CSKMT: variants seen among roughly 807,000 people sequenced by gnomAD.
CSKMT encodes the protein citrate synthase-lysine N-methyltransferase CSKMT, mitochondrial.
A neutral mutation model predicts 4.6 loss-of-function variants in CSKMT; 6 were observed. The observed-to-expected ratio is 1.31, with a 90% CI of 0.72 to 2.59. The LOEUF (loss-of-function observed/expected upper bound fraction) is 2.59. Ranked by LOEUF, CSKMT falls within the 30% of genes most tolerant of loss-of-function variation. The pLI is 0.00. For missense variants in CSKMT, 328 were observed against 298.0 expected (o/e 1.10, Z -0.74); for synonymous variants, 142 against 128.9 (o/e 1.10, Z -0.69).
rs1335182775 is a variant in CSKMT, at chr11:62,667,711, A to G, written c.*660A>G. The G allele has an allele frequency of 6.2e-7, 1 of 1,613,914 alleles. No individual in the cohort carries two copies. The highest frequency in any genetic ancestry group is 1.1e-5 in the South Asian group (1 of 91,088). ...GCTGAGTCCAGCGTTAAATGTTCTT[A>G]AAGGACTTCTAGGGTCCTGTGGGCT... On this transcript the variant is annotated 3_prime_UTR_variant, in exon 3 of 3. Coordinates refer to ENST00000532971, the MANE Select transcript of CSKMT (RefSeq NM_001043229.2).
At chr11:62,666,161 A>G in intron 2 of CSKMT, 2 of 704,242 alleles carry the variant, frequency 2.8e-6, no homozygotes, top group Non-Finnish European at 4.7e-6. Flanking sequence ...AACCTAGGGC[A>G]ACATAGCGAG....
Position 62,667,866 on chromosome 11 carries a change from A to G in CSKMT, c.*815A>G. ...AGCACTTTGGGAGGCCAAGGTGGGC[A>G]GATTGCTTGAGCCCTGGCAATAAAG... On this transcript the variant is annotated 3_prime_UTR_variant, in exon 3 of 3. Transcript: ENST00000532971. The G allele has an allele frequency of 2.9e-6, 2 of 694,820 alleles. No homozygotes were observed. The highest frequency in any genetic ancestry group is 5.0e-6 in the Non-Finnish European group (2 of 402,556). The allele number at this position is 694,820 out of a possible 1,614,324, so 43.0% of individuals were successfully genotyped here. A position where few individuals can be genotyped will look rare whatever the true frequency, so the allele number is the denominator to read the frequency against.
rs76078023 is a variant in CSKMT, at chr11:62,666,755, G to A, written c.427G>A (p.Ala143Thr). 1.4e-3 allele frequency: 2,315 copies of A among 1,614,164 alleles called. 24 individuals are homozygous for A. The African/African-American group carries it at 0.027, about 19-fold the overall frequency. ...HPASSLHFMHADAQNLGAVAS... is the reference protein window; with the variant it reads ...HPASSLHFMHTDAQNLGAVAS... ...TGCCTCAAGCCTCCACTTCATGCAC[G>A]CCGATGCTCAGAACCTGGGGGCTGT... The change falls in exon 3 of 3, where the codon GCC becomes ACC. Residue 143 changes from alanine (A) to threonine (T), a missense_variant. Coordinates refer to ENST00000532971, the MANE Select transcript of CSKMT (RefSeq NM_001043229.2).
At chr11:62,666,151 A>G (rs1944803535) in intron 2 of CSKMT, 5 of 711,428 alleles carry the variant, frequency 7.0e-6, no homozygotes, top group Non-Finnish European at 2.3e-6. Context: ...GTTCGAGACC[A>G]ACCTAGGGCA....
chr11:62,665,859 C>T lies in CSKMT; in HGVS notation c.-21C>T, dbSNP rs774246334. 6.2e-7 allele frequency: 1 copy of T among 1,610,776 alleles called. No homozygotes were observed. Among genetic ancestry groups the T allele is most frequent in the Admixed American group, 1.7e-5 (1 of 59,944 alleles). ...GACGCTTCACATAAGCTTCTCTGGT[C>T]GAACTTACCCGAATCTCCAGATGGC... On this transcript the variant is annotated 5_prime_UTR_variant, in exon 2 of 3. Transcript: ENST00000532971.
intron 2 of CSKMT, 196 bp from the exon 3 acceptor site, chr11:62,666,200 C>A: frequency 1.4e-6 from 1 of 717,166 alleles, no homozygotes. Context: ...ATTAACCGGG[C>A]ACGATGGCGC....
chr11:62,668,058 G>T lies in CSKMT; in HGVS notation c.*1007G>T. 3 of 245,274 alleles carry T rather than the reference G, an allele frequency of 1.2e-5. No homozygotes were observed. The highest frequency in any genetic ancestry group is 1.6e-5 in the Non-Finnish European group (2 of 126,264). 15.2% of individuals were successfully genotyped at this position (245,274 alleles called of 1,614,324 possible). A position where few individuals can be genotyped will look rare whatever the true frequency, so the allele number is the denominator to read the frequency against. On this transcript the variant is annotated 3_prime_UTR_variant, in exon 3 of 3. Transcript: ENST00000532971. ...ACTTGAGCTAAAAATTAATTTCTGT[G>T]GTATTTTTTGCTTATAAAAAAATAG... is the stretch of plus-strand genomic sequence containing the variant.
intron 2 of CSKMT, 113 bp from the exon 3 acceptor site, chr11:62,666,283 C>G: frequency 8.9e-7 from 1 of 1,119,532 alleles, no homozygotes. Context: ...GTACTCAACC[C>G]TGGGTCACAG....
Position 62,665,907 on chromosome 11 carries a change from T to C in CSKMT, c.28T>C (p.Leu10=). 1 of 1,613,450 alleles carries C rather than the reference T, an allele frequency of 6.2e-7. No homozygotes were observed. The highest frequency in any genetic ancestry group is 8.5e-7 in the Non-Finnish European group (1 of 1,179,848). ...GGCCGCGCTGCGTCGAATGCTCCAC[T>C]TGCCGAGCCTGATGATGGGGACGTG... is the stretch of plus-strand genomic sequence containing the variant. MAALRRMLH[L]PSLMMGTCRP... Residue 10 remains leucine, a synonymous_variant, in exon 2 of 3, where the codon TTG becomes CTG. Transcript: ENST00000532971.
intron 1 of CSKMT, 98 bp from the exon 2 acceptor site, chr11:62,665,549 A>G (rs757465763): frequency 1.1e-5 from 18 of 1,567,616 alleles, no homozygotes; most frequent in African/African-American, 1.1e-4. Flanking sequence ...CGCTGGTTCT[A>G]TCCTCAAACG....
intron 1 of CSKMT, 96 bp from the exon 2 acceptor site, chr11:62,665,551 C>T (rs1357510809): frequency 1.3e-6 from 2 of 1,569,796 alleles, no homozygotes; most frequent in Non-Finnish European, 1.7e-6. Context: ...CTGGTTCTAT[C>T]CTCAAACGCC....
In CSKMT at chr11:62,666,386, G is replaced by T; in HGVS notation, c.68-10G>T. 1 of 1,606,434 alleles carries T rather than the reference G, an allele frequency of 6.2e-7. No individual in the cohort carries two copies. ...ATAGACCAAGTGACACCCTCCAACC[G>T]TGCCCACAGGCTCACTGGCTGATAG... On this transcript the variant is annotated splice_polypyrimidine_tract_variant and intron_variant, in intron 2 of 2. Coordinates refer to ENST00000532971, the MANE Select transcript of CSKMT (RefSeq NM_001043229.2).
chr11:62,665,393 G>C (rs778976607), intron 1 of CSKMT, 61 bp downstream of exon 1: 3 of 1,255,492 alleles, frequency 2.4e-6, no homozygotes, highest in Non-Finnish European at 3.4e-6. Flanking sequence ...GGGGTGCCGG[G>C]TGGAAGGCTC....
At chr11:62,666,057 C>G in intron 2 of CSKMT, 111 bp downstream of exon 2, 1 of 1,258,214 alleles carries the variant, frequency 7.9e-7, no homozygotes, top group Non-Finnish European at 1.1e-6. Flanking sequence ...ATTCTCAAAC[C>G]CTACGGTGGG....
At chr11:62,666,309 CAA>C (rs745593794) in intron 2 of CSKMT, 85 bp from the exon 3 acceptor site, 1,896 of 1,196,544 alleles carry the variant, frequency 1.6e-3, no homozygotes, top group Non-Finnish European at 1.8e-3. Flanking sequence ...GACCCTGTCT[CAA>C]AAAAAAAAAA....
Position 62,665,703 on chromosome 11 carries a change from C to G in CSKMT, c.-177C>G. 1 of 1,460,062 alleles carries G rather than the reference C, an allele frequency of 6.8e-7. No individual in the cohort carries two copies. The highest frequency in any genetic ancestry group is 9.0e-7 in the Non-Finnish European group (1 of 1,106,554). 90.4% of individuals were successfully genotyped at this position (1,460,062 alleles called of 1,614,324 possible). On this transcript the variant is annotated 5_prime_UTR_variant, in exon 2 of 3. Transcript: ENST00000532971. ...CCCGCTGCAGCCAATAAAGGCCGTT[C>G]CTACCATAGTCTGTGTCCGCGTTCT...
At chr11:62,666,132 G>T in intron 2 of CSKMT, 186 bp downstream of exon 2, 1 of 790,966 alleles carries the variant, frequency 1.3e-6, no homozygotes, top group Middle Eastern at 3.7e-4. Context: ...CAGATCGCTT[G>T]GCCCAGGAGT....
chr11:62,667,680 C>A lies in CSKMT; in HGVS notation c.*629C>A, dbSNP rs201392358. 6.2e-7 allele frequency: 1 copy of A among 1,614,116 alleles called. No homozygotes were observed. The highest frequency in any genetic ancestry group is 2.2e-5 in the East Asian group (1 of 44,892). Reference sequence around the variant, plus strand: ...AAGCATCTTCTTCATCCTGGTCCTGCCCCCAGCTGAGTCCAGCGTTAAATG... The same window carrying A: ...AAGCATCTTCTTCATCCTGGTCCTGACCCCAGCTGAGTCCAGCGTTAAATG... On this transcript the variant is annotated 3_prime_UTR_variant, in exon 3 of 3. Transcript: ENST00000532971.
chr11:62,665,469 T>C (rs778020361), intron 1 of CSKMT, 137 bp downstream of exon 1: 4 of 1,572,998 alleles, frequency 2.5e-6, no homozygotes, highest in Non-Finnish European at 3.4e-6. Flanking sequence ...CTCCCCGTAA[T>C]GTACGGAGGA....
Sources: gnomAD v4.1 joint callset for allele counts on GRCh38, gnomAD v4.1.1 for gene constraint, MANE v1.5 for transcripts, NCBI Gene and HGNC (gene_info 2026-07-23, HGNC 2026-07-21) for gene names.